Variants in ZFP28 observed in about 807,000 individuals in gnomAD.
ZFP28 encodes the protein ZFP28 zinc finger protein, also known as zinc finger protein 28 homolog.
Under a neutral mutation model 39.5 loss-of-function variants are expected in ZFP28, and 31 were observed. The ratio of observed to expected loss-of-function variants is 0.79; its 90% confidence interval spans 0.59 to 1.06. The LOEUF (loss-of-function observed/expected upper bound fraction) is 1.06. Ranked by LOEUF, ZFP28 falls within the 50% of genes least tolerant of loss-of-function variation. ZFP28 has a pLI of 0.00. For missense variants in ZFP28, 925 were observed against 1,048.4 expected (o/e 0.88, Z 1.63); for synonymous variants, 400 against 378.6 (o/e 1.06, Z -0.66).
chr19:56,542,736 G>C (rs546198307), intron 2 of ZFP28, among the ~76,000 whole-genome samples: 88 of 151,700 alleles, frequency 5.8e-4, no homozygotes, highest in African/African-American at 2.0e-3. Flanking sequence ...TTTTATACCT[G>C]AAAATGTGCT....
At chr19:56,548,011 A>G in intron 4 of ZFP28, 109 bp downstream of exon 4, 1 of 988,916 alleles carries the variant, frequency 1.0e-6, no homozygotes, top group Non-Finnish European at 1.5e-6. Context: ...GCTTAGGAAT[A>G]TCTGTTATTT....
chr19:56,538,940 G>C (rs1023706844), upstream of ZFP28: 9 of 1,188,644 alleles, frequency 7.6e-6, no homozygotes, highest in Non-Finnish European at 9.5e-6. Context: ...GCTGTTCGCT[G>C]GGCGTGGCGG....
In ZFP28 at chr19:56,547,214, TTC is replaced by T; in HGVS notation, c.301-288_301-287del. Reference sequence around the variant, plus strand: ...TCTCCTTGGCTTGCAGACGGCCGTCTTCTCTCTGTGTCCTCACGTGGTCTTTT... The same window carrying T: ...TCTCCTTGGCTTGCAGACGGCCGTCTTCTCTGTGTCCTCACGTGGTCTTTT... On this transcript the variant is annotated intron_variant, in intron 2 of 7. Coordinates refer to ENST00000301318, the MANE Select transcript of ZFP28 (RefSeq NM_020828.2). This position sits in a 1 kb window ranked among gnomAD's most constrained non-coding sequence, Gnocchi z 4.6. 1 of 316,166 alleles carries T rather than the reference TTC, an allele frequency of 3.2e-6. No homozygotes were observed. The highest frequency in any genetic ancestry group is 5.8e-6 in the Non-Finnish European group (1 of 172,052). The allele number at this position is 316,166 out of a possible 1,614,324, so 19.6% of individuals were successfully genotyped here. A position where few individuals can be genotyped will look rare whatever the true frequency, so the allele number is the denominator to read the frequency against.
At position 56,555,469 on chromosome 19, in the gene ZFP28, C is replaced by T; in HGVS notation, c.*77C>T. The stretch of plus-strand genomic sequence containing the variant: ...CCCTGCCCTTTTGTTTTCTTTTTGT[C>T]CCTTATTAGTTAGTTCTTCACATAA... On this transcript the variant is annotated 3_prime_UTR_variant, in exon 8 of 8. Coordinates refer to ENST00000301318, the MANE Select transcript of ZFP28 (RefSeq NM_020828.2). The T allele has an allele frequency of 6.9e-7, 1 of 1,455,986 alleles. No individual in the cohort carries two copies. Among genetic ancestry groups the T allele is most frequent in the African/African-American group, 2.0e-5 (1 of 50,378 alleles). 90.2% of individuals were successfully genotyped at this position (1,455,986 alleles called of 1,614,324 possible).
At chr19:56,539,582 CTG>C in intron 1 of ZFP28, 41 bp from the exon 2 acceptor site, 1 of 1,537,706 alleles carries the variant, frequency 6.5e-7, no homozygotes, top group Non-Finnish European at 9.0e-7. Context: ...TGATTTGGGA[CTG>C]TGGTGTAGAC....
chr19:56,551,293 T>G, intron 7 of ZFP28: 1 of 987,142 alleles, frequency 1.0e-6, no homozygotes, highest in Non-Finnish European at 1.2e-6. Flanking sequence ...AAATAATGGT[T>G]TGTAGAAAAT....
chr19:56,549,545 C>T (rs374744995), intron 5 of ZFP28, among the ~76,000 whole-genome samples: 15 of 152,100 alleles, frequency 9.9e-5, no homozygotes, highest in South Asian at 4.2e-4. Flanking sequence ...GGCGTGCTGG[C>T]GGGCGCCTGT....
chr19:56,553,846 A>G lies in ZFP28; in HGVS notation c.1061A>G (p.Glu354Gly). 6.2e-7 allele frequency: 1 copy of G among 1,614,184 alleles called. No individual in the cohort carries two copies. Among genetic ancestry groups the G allele is most frequent in the Non-Finnish European group, 8.5e-7 (1 of 1,180,032 alleles). The change falls in exon 8 of 8, where the codon GAG (glutamate) becomes GGG (glycine). Residue 354 changes from glutamate to glycine, a missense_variant. Coordinates refer to ENST00000301318, the MANE Select transcript of ZFP28 (RefSeq NM_020828.2). ...GGAAGGAAGCTTGCAGTAGGTCAAG[A>G]GACACAATTCAGGCAAGAGCCAATT... ...VFGRKLAVGQ[E>G]TQFRQEPITH... is the part of the protein sequence containing the mutation.
Position 56,547,097 on chromosome 19 carries a change from G to T in ZFP28, c.301-411G>T. 1 of 187,994 alleles carries T rather than the reference G, an allele frequency of 5.3e-6. No individual in the cohort carries two copies. The highest frequency in any genetic ancestry group is 1.1e-5 in the Non-Finnish European group (1 of 89,660). The allele number at this position is 187,994 out of a possible 1,614,324, so 11.6% of individuals were successfully genotyped here. On this transcript the variant is annotated intron_variant, in intron 2 of 7. Coordinates refer to ENST00000301318, the MANE Select transcript of ZFP28 (RefSeq NM_020828.2). This position sits in a 1 kb window ranked among gnomAD's most constrained non-coding sequence, Gnocchi z 4.6. The stretch of plus-strand genomic sequence containing the variant: ...CCAGAACAAATACCACAGAATGGGT[G>T]TCTTAAACAACAGAAATTTCTTTTC...
At chr19:56,537,110 G>C (rs1263801864), upstream of ZFP28, among the ~76,000 whole-genome samples, 2 of 152,256 alleles carry the variant, frequency 1.3e-5, no homozygotes, top group African/African-American at 4.8e-5. Context: ...TGTCCCATTA[G>C]ATAACCTCAA....
At chr19:56,552,428 C>T (rs2044312278) in intron 7 of ZFP28, 1 of 152,010 alleles carries the variant, frequency 6.6e-6, no homozygotes, top group Non-Finnish European at 1.5e-5. Context: ...TTTGCATTTC[C>T]CCAACTACTT....
intron 2 of ZFP28, among the ~76,000 whole-genome samples, chr19:56,541,360 C>T (rs1379386921): frequency 6.6e-6 from 1 of 152,140 alleles, no homozygotes; most frequent in African/African-American, 2.4e-5. Context: ...CAGTTTTCAT[C>T]ACATCTATCA....
chr19:56,545,697 AAG>A (rs978356141), intron 2 of ZFP28: 2 of 152,266 alleles, frequency 1.3e-5, no homozygotes, highest in Admixed American at 1.3e-4. Flanking sequence ...GGTGGGGACC[AAG>A]AGAGAGGGAG....
At position 56,539,205 on chromosome 19, in the gene ZFP28, CCTA is replaced by C. The variant is rs2044170303; in HGVS notation, c.189_191del (p.Thr64del). ...ATCCAAAGGCCAGCGAGGAGCGGCC[CCTA>C]CGGGGCCTGGGCACAGAGGTGAGAG... On this transcript the variant is annotated inframe_deletion, in exon 1 of 8. Coordinates refer to ENST00000301318, the MANE Select transcript of ZFP28 (RefSeq NM_020828.2). 14 of 1,597,990 alleles carry C rather than the reference CCTA, an allele frequency of 8.8e-6. No homozygotes were observed. In the East Asian group the frequency reaches 3.2e-4, roughly 36 times the overall value.
At position 56,548,023 on chromosome 19, in the gene ZFP28, T is replaced by A; in HGVS notation, c.523+121T>A. On this transcript the variant is annotated intron_variant, in intron 4 of 7. Coordinates refer to ENST00000301318, the MANE Select transcript of ZFP28 (RefSeq NM_020828.2). Reference sequence around the variant, plus strand: ...CTTGCTTAGGAATATCTGTTATTTTTACTATTTGGGAATACAGAAATTTCA... The same window carrying A: ...CTTGCTTAGGAATATCTGTTATTTTAACTATTTGGGAATACAGAAATTTCA... 3.5e-6 allele frequency: 3 copies of A among 865,752 alleles called. No individual in the cohort carries two copies. The South Asian group carries it at 7.3e-5, about 21-fold the overall frequency. 53.6% of individuals were successfully genotyped at this position (865,752 alleles called of 1,614,324 possible). A position where few individuals can be genotyped will look rare whatever the true frequency, so the allele number is the denominator to read the frequency against.
In ZFP28 at chr19:56,554,566, G is replaced by A. The variant is rs745453372; in HGVS notation, c.1781G>A (p.Cys594Tyr). 33 of 1,614,168 alleles carry A rather than the reference G, an allele frequency of 2.0e-5. No homozygotes were observed. Among genetic ancestry groups the A allele is most frequent in the Non-Finnish European group, 2.8e-5 (33 of 1,180,026 alleles). ...SGEKPFKCKECGKAFRQNIHL... is the reference protein window; with the variant it reads ...SGEKPFKCKEYGKAFRQNIHL... ...GAAAAGCCTTTTAAGTGTAAAGAGT[G>A]CGGAAAAGCTTTTAGGCAGAATATA... Residue 594 changes from cysteine to tyrosine, a missense_variant, in exon 8 of 8, where the codon TGC becomes TAC. Cys to Tyr is a radical substitution (Grantham distance 194). Coordinates refer to ENST00000301318, the MANE Select transcript of ZFP28 (RefSeq NM_020828.2). This position sits in a 1 kb window ranked among gnomAD's most constrained non-coding sequence, Gnocchi z 6.7.
At chr19:56,542,099 T>C (rs2044200651) in intron 2 of ZFP28, among the ~76,000 whole-genome samples, 1 of 152,012 alleles carries the variant, frequency 6.6e-6, no homozygotes, top group African/African-American at 2.4e-5. Context: ...TCATCAGCCA[T>C]GTGGAGCCTG....
chr19:56,543,527 T>G (rs2044214304), intron 2 of ZFP28, among the ~76,000 whole-genome samples: 1 of 151,998 alleles, frequency 6.6e-6, no homozygotes. Flanking sequence ...GCCTCAGCCT[T>G]CTGAGTGGCT....
At chr19:56,550,218 C>A in intron 6 of ZFP28, 37 bp downstream of exon 6, 1 of 1,550,492 alleles carries the variant, frequency 6.4e-7, no homozygotes, top group Non-Finnish European at 8.8e-7. Flanking sequence ...AATCTATCGT[C>A]GGGTACCTCC....
Sources: gnomAD v4.1 joint callset for allele counts (sites outside exome capture counted in the v4.1 genomes callset) on GRCh38, gnomAD v4.1.1 for gene constraint, Gnocchi (gnomAD v3.1) non-coding constraint, MANE v1.5 for transcripts, NCBI Gene and HGNC (gene_info 2026-07-23, HGNC 2026-07-21) for gene names.